The following XPO6 variants were observed in gnomAD, a reference collection of about 807,000 sequenced individuals.
XPO6 encodes the protein exportin-6.
A neutral mutation model predicts 130.0 loss-of-function variants in XPO6; 3 were observed. The ratio of observed to expected loss-of-function variants is 0.02; its 90% confidence interval spans 0.01 to 0.06. The LOEUF (loss-of-function observed/expected upper bound fraction) is 0.06, where lower values mean the gene tolerates loss of function less well. XPO6 is among the 10% of genes least tolerant of loss of function. The pLI, the probability that XPO6 is intolerant of heterozygous loss-of-function variation, is 1.00. For missense variants in XPO6, 970 were observed against 1,393.0 expected (o/e 0.70, Z 4.83); for synonymous variants, 524 against 548.9 (o/e 0.95, Z 0.63).
chr16:28,193,146 C>T (rs2043810740), intron 1 of XPO6, among the ~76,000 whole-genome samples: 1 of 152,194 alleles, frequency 6.6e-6, no homozygotes, highest in African/African-American at 2.4e-5. Flanking sequence ...CACCTAGTGC[C>T]ACCTTTATAC....
At chr16:28,202,568 G>A (rs546607097) in intron 1 of XPO6, among the ~76,000 whole-genome samples, 13 of 152,198 alleles carry the variant, frequency 8.5e-5, no homozygotes, top group Non-Finnish European at 1.8e-4. Context: ...GCAGGGGGGC[G>A]CTATAGAAGA....
At position 28,171,273 on chromosome 16, in the gene XPO6, T is replaced by C. The variant is rs190055428; in HGVS notation, c.406-1364A>G. Among the ~76,000 whole-genome samples, 435 of 151,426 alleles carry C rather than the reference T, an allele frequency of 2.9e-3. 6 individuals are homozygous for C. The highest frequency in any genetic ancestry group is 0.024 in the Admixed American group (367 of 15,216). On this transcript the variant is annotated intron_variant, in intron 4 of 23. Transcript: ENST00000304658. Reference sequence around the variant, plus strand: ...TTCGAGACCAACCTGGCCAACATGGTGAAACTCCATCTCTACTAAAAATAC... The same window carrying C: ...TTCGAGACCAACCTGGCCAACATGGCGAAACTCCATCTCTACTAAAAATAC...
At chr16:28,113,132 T>G (rs1596797418) in intron 15 of XPO6, 82 bp from the exon 16 acceptor site, 2 of 1,508,984 alleles carry the variant, frequency 1.3e-6, no homozygotes, top group Non-Finnish European at 1.8e-6. Flanking sequence ...CCACAAGCTA[T>G]GTGTCATTCT....
intron 1 of XPO6, among the ~76,000 whole-genome samples, chr16:28,187,742 A>C (rs1439378678): frequency 6.7e-6 from 1 of 150,318 alleles, no homozygotes; most frequent in Non-Finnish European, 1.5e-5. Context: ...ACTATCTTAA[A>C]GACCAAATTC....
chr16:28,193,802 T>C (rs550134194), intron 1 of XPO6, among the ~76,000 whole-genome samples: 2 of 152,292 alleles, frequency 1.3e-5, no homozygotes, highest in South Asian at 4.1e-4. Context: ...CCCACGATTC[T>C]CAACCAATTT....
chr16:28,108,105 C>T (rs544182348), intron 17 of XPO6, among the ~76,000 whole-genome samples: 1 of 152,262 alleles, frequency 6.6e-6, no homozygotes, highest in South Asian at 2.1e-4. Flanking sequence ...AGGACGGACA[C>T]ATGCAGCTCA....
intron 1 of XPO6, among the ~76,000 whole-genome samples, chr16:28,192,711 G>C (rs2043805951): frequency 6.6e-6 from 1 of 152,164 alleles, no homozygotes; most frequent in Middle Eastern, 3.2e-3. Context: ...GAAGAAATGA[G>C]AGGGTGGAGA....
intron 9 of XPO6, among the ~76,000 whole-genome samples, chr16:28,143,891 T>A (rs1215137845): frequency 1.3e-5 from 2 of 152,218 alleles, no homozygotes; most frequent in African/African-American, 4.8e-5. Context: ...TGCCTTGGCC[T>A]CCTAAAGCGC....
chr16:28,152,802 A>G lies in XPO6; in HGVS notation c.1098-17T>C, dbSNP rs1013225264. 1.9e-6 allele frequency: 3 copies of G among 1,604,804 alleles called. No homozygotes were observed. Among genetic ancestry groups the G allele is most frequent in the South Asian group, 1.1e-5 (1 of 88,378 alleles). On this transcript the variant is annotated splice_polypyrimidine_tract_variant and intron_variant, in intron 7 of 23. Coordinates refer to ENST00000304658, the MANE Select transcript of XPO6 (RefSeq NM_015171.4). Reference sequence around the variant, plus strand: ...TCGATATAGCTAAATGAGACAAGACAAAAGGTGACAATAAGAAACCCAGCC... The same window carrying G: ...TCGATATAGCTAAATGAGACAAGACGAAAGGTGACAATAAGAAACCCAGCC...
chr16:28,172,275 A>C (rs1237741792), intron 4 of XPO6, among the ~76,000 whole-genome samples: 2 of 152,230 alleles, frequency 1.3e-5, no homozygotes, highest in African/African-American at 4.8e-5. Context: ...CACATCTATA[A>C]TTTAAGCCTG....
chr16:28,173,668 A>G (rs1016425140), intron 4 of XPO6, among the ~76,000 whole-genome samples: 1 of 152,210 alleles, frequency 6.6e-6, no homozygotes. Context: ...GGCTCCTTCT[A>G]CTACATGGTG....
chr16:28,132,625 A>G lies in XPO6; in HGVS notation c.1537-222T>C, dbSNP rs1272811554. The stretch of plus-strand genomic sequence containing the variant: ...CCGCCAATTAATACACAGAATAAGA[A>G]AGAAAACGTATTAGTTCAACCCTTT... On this transcript the variant is annotated intron_variant, in intron 11 of 23. Coordinates refer to ENST00000304658, the MANE Select transcript of XPO6 (RefSeq NM_015171.4). The surrounding 1 kb of genome is among the most constrained non-coding windows in gnomAD (Gnocchi z 4.0). 6.6e-6 allele frequency among the ~76,000 whole-genome samples: 1 copy of G among 150,806 alleles called. No individual in the cohort carries two copies. Among genetic ancestry groups the G allele is most frequent in the Admixed American group, 6.6e-5 (1 of 15,040 alleles).
At chr16:28,182,259 G>A (rs1490284028) in intron 1 of XPO6, among the ~76,000 whole-genome samples, 3 of 151,988 alleles carry the variant, frequency 2.0e-5, no homozygotes, top group East Asian at 1.9e-4. Context: ...GTATACCAGC[G>A]GCCTCCGTCG....
At chr16:28,153,475 T>A in intron 7 of XPO6, 2 of 985,312 alleles carry the variant, frequency 2.0e-6, no homozygotes, top group Non-Finnish European at 2.4e-6. Context: ...AGGACTATCA[T>A]CCACTCCCAA....
At chr16:28,134,539 G>C in intron 10 of XPO6, among the ~76,000 whole-genome samples, 1 of 152,202 alleles carries the variant, frequency 6.6e-6, no homozygotes, top group East Asian at 1.9e-4. Flanking sequence ...CAAGGTTGCA[G>C]AGCTTCAAAC....
rs538603175 is a variant in XPO6 at position 28,135,310 on chromosome 16, A to G, written c.1349T>C (p.Leu450Pro). Residue 450 changes from leucine (L) to proline (P), a missense_variant, in exon 10 of 24, where the codon CTG (leucine) becomes CCG (proline). Coordinates refer to ENST00000304658, the MANE Select transcript of XPO6 (RefSeq NM_015171.4). ...EAVLNRYEDA[L>P]VLLLTEVLNR... is the part of the protein sequence containing the mutation. Reference sequence around the variant, plus strand: ...CAACACCTCTGTGAGCAGGAGCACCAGGGCATCTTCGTACCTATGTGGCAG... The same window carrying G: ...CAACACCTCTGTGAGCAGGAGCACCGGGGCATCTTCGTACCTATGTGGCAG... 1.2e-6 allele frequency: 2 copies of G among 1,613,758 alleles called. No homozygotes were observed. The highest frequency in any genetic ancestry group is 1.3e-5 in the African/African-American group (1 of 75,044).
intron 1 of XPO6, among the ~76,000 whole-genome samples, chr16:28,199,485 C>G (rs1329041943): frequency 6.6e-6 from 1 of 152,050 alleles, no homozygotes; most frequent in East Asian, 2.0e-4. Context: ...CCATGTTGGT[C>G]AGGCTGGTCT....
At chr16:28,139,476 G>A (rs2042844920) in intron 9 of XPO6, among the ~76,000 whole-genome samples, 1 of 152,216 alleles carries the variant, frequency 6.6e-6, no homozygotes, top group African/African-American at 2.4e-5. Flanking sequence ...GGAAGGAAAA[G>A]CAAGAGAAAT....
chr16:28,103,949 C>A (rs151321655), intron 21 of XPO6, among the ~76,000 whole-genome samples: 1 of 152,228 alleles, frequency 6.6e-6, no homozygotes, highest in East Asian at 1.9e-4. Flanking sequence ...ACGTCAGACA[C>A]TTGAGTGCAG....
Sources: gnomAD v4.1 joint callset for allele counts (sites outside exome capture counted in the v4.1 genomes callset) on GRCh38, gnomAD v4.1.1 for gene constraint, Gnocchi (gnomAD v3.1) non-coding constraint, MANE v1.5 for transcripts, NCBI Gene and HGNC (gene_info 2026-07-23, HGNC 2026-07-21) for gene names.